The following PPP3CA variants were observed in gnomAD, a reference collection of about 807,000 sequenced individuals.
PPP3CA encodes the protein CAM-PRP catalytic subunit.
Under a neutral mutation model 66.5 loss-of-function variants are expected in PPP3CA, and 14 were observed. The observed-to-expected ratio is 0.21, with a 90% CI of 0.14 to 0.33. The LOEUF is 0.33. PPP3CA is among the 10% of genes least tolerant of loss of function. The pLI is 1.00. For missense variants in PPP3CA, 317 were observed against 639.5 expected, an observed-to-expected ratio of 0.50 and a Z score of 5.44; for synonymous variants, 232 against 226.2, an observed-to-expected ratio of 1.03 and a Z score of -0.23.
chr4:101,344,824 C>T (rs558049296), intron 1 of PPP3CA, among the ~76,000 whole-genome samples: 1 of 152,302 alleles, frequency 6.6e-6, no homozygotes, highest in African/African-American at 2.4e-5. Context: ...TATGTGTGCA[C>T]AAGTGTTTTT....
In PPP3CA at chr4:101,182,742, A is replaced by G. The variant is rs552834475; in HGVS notation, c.259+13174T>C. Among the ~76,000 whole-genome samples the G allele has an allele frequency of 7.9e-5, 12 of 152,266 alleles. 1 individual carries two copies. In the South Asian group the frequency reaches 2.5e-3, roughly 32 times the overall value. On this transcript the variant is annotated intron_variant, in intron 2 of 13. Transcript: ENST00000394854. Reference sequence around the variant, plus strand: ...TATGCCCATCCAAATCTCATAGTGAATTCCGACGTGTTGTGGGAGGGACCA... The same window carrying G: ...TATGCCCATCCAAATCTCATAGTGAGTTCCGACGTGTTGTGGGAGGGACCA...
Position 101,084,730 on chromosome 4 carries a change from C to A in PPP3CA, c.783-1467G>T, listed in dbSNP as rs559278209. On this transcript the variant is annotated intron_variant, in intron 6 of 13. Transcript: ENST00000394854. Reference sequence around the variant, plus strand: ...TTCTTTGGCAAAAAGGGATCTGAAACTGAAAACAGTCTCTGTTCATGTGCC... The same window carrying A: ...TTCTTTGGCAAAAAGGGATCTGAAAATGAAAACAGTCTCTGTTCATGTGCC... 4.6e-5 allele frequency among the ~76,000 whole-genome samples: 7 copies of A among 151,826 alleles called. No individual in the cohort carries two copies. The East Asian group carries it at 1.4e-3, about 29-fold the overall frequency.
At chr4:101,082,023 T>C (rs990731803) in intron 7 of PPP3CA, among the ~76,000 whole-genome samples, 2 of 152,238 alleles carry the variant, frequency 1.3e-5, no homozygotes, top group African/African-American at 4.8e-5. Context: ...TGATATTAAC[T>C]GATGCACTTA....
chr4:101,276,795 C>T (rs1228727240), intron 1 of PPP3CA, among the ~76,000 whole-genome samples: 1 of 152,116 alleles, frequency 6.6e-6, no homozygotes, highest in African/African-American at 2.4e-5. Context: ...CTTTACCTCC[C>T]ACACAGTTTC....
intron 1 of PPP3CA, among the ~76,000 whole-genome samples, chr4:101,337,979 G>T (rs1450577397): frequency 6.6e-6 from 1 of 152,152 alleles, no homozygotes; most frequent in Non-Finnish European, 1.5e-5. Context: ...ACCTATCGGG[G>T]TGTACAGTAT....
chr4:101,038,673 A>C (rs1040263569), intron 11 of PPP3CA, among the ~76,000 whole-genome samples: 4 of 151,638 alleles, frequency 2.6e-5, no homozygotes, highest in African/African-American at 9.7e-5. Context: ...CGGCCACTTT[A>C]TTTTCTTTTG....
At chr4:101,332,880 T>G (rs966494089) in intron 1 of PPP3CA, among the ~76,000 whole-genome samples, 7 of 152,166 alleles carry the variant, frequency 4.6e-5, no homozygotes, top group Non-Finnish European at 7.4e-5. Context: ...CTTTCCACAC[T>G]GTGATGCTGT....
At chr4:101,033,285 CACACACAA>C (rs1204866261) in intron 11 of PPP3CA, among the ~76,000 whole-genome samples, 112 of 73,154 alleles carry the variant, frequency 1.5e-3, no homozygotes, top group African/African-American at 3.0e-3. Context: ...GACACACACA[CACACACAA>C]ACACACACAC....
At chr4:101,312,981 T>A (rs771543890) in intron 1 of PPP3CA, among the ~76,000 whole-genome samples, 1 of 152,160 alleles carries the variant, frequency 6.6e-6, no homozygotes, top group Non-Finnish European at 1.5e-5. Context: ...AGAAGAGCAT[T>A]CTAATAAATG....
intron 1 of PPP3CA, among the ~76,000 whole-genome samples, chr4:101,294,289 A>G (rs915702611): frequency 6.6e-6 from 1 of 152,234 alleles, no homozygotes; most frequent in Non-Finnish European, 1.5e-5. Flanking sequence ...TGGGACTCCA[A>G]GCATTCATCT....
intron 1 of PPP3CA, among the ~76,000 whole-genome samples, chr4:101,294,469 G>C (rs1475321143): frequency 1.3e-5 from 2 of 152,020 alleles, no homozygotes; most frequent in East Asian, 3.9e-4. Context: ...GGGTATTTCA[G>C]TATTATAATT....
intron 11 of PPP3CA, among the ~76,000 whole-genome samples, chr4:101,037,958 ACT>A (rs1412132931): frequency 6.6e-6 from 1 of 152,092 alleles, no homozygotes. Context: ...TTTGAGTAAG[ACT>A]CTCATTAGTG....
chr4:101,147,413 G>A (rs907388260), intron 2 of PPP3CA, among the ~76,000 whole-genome samples: 6 of 152,240 alleles, frequency 3.9e-5, no homozygotes, highest in Admixed American at 1.3e-4. Context: ...TTGCTGTCAT[G>A]TATGATCAAA....
intron 1 of PPP3CA, among the ~76,000 whole-genome samples, chr4:101,293,184 G>A (rs1728085429): frequency 6.6e-6 from 1 of 152,192 alleles, no homozygotes; most frequent in Non-Finnish European, 1.5e-5. Context: ...AGGGAAAGCA[G>A]CATGGAAAAC....
At chr4:101,200,455 G>A (rs1724932796) in intron 1 of PPP3CA, among the ~76,000 whole-genome samples, 2 of 152,108 alleles carry the variant, frequency 1.3e-5, no homozygotes, top group African/African-American at 2.4e-5. Flanking sequence ...AACCTGGGAT[G>A]TATAAAAATA....
intron 8 of PPP3CA, among the ~76,000 whole-genome samples, chr4:101,064,198 T>C (rs1463303698): frequency 6.6e-6 from 1 of 151,980 alleles, no homozygotes; most frequent in Non-Finnish European, 1.5e-5. Flanking sequence ...TCTCTGTGAG[T>C]ACTTTCAATA....
chr4:101,055,611 A>G (rs143319546), intron 10 of PPP3CA, among the ~76,000 whole-genome samples: 81 of 152,266 alleles, frequency 5.3e-4, no homozygotes, highest in African/African-American at 1.7e-3. Flanking sequence ...AAATTCCTTT[A>G]TTTATAAGAC....
chr4:101,116,171 G>T (rs1721833335), intron 2 of PPP3CA, among the ~76,000 whole-genome samples: 1 of 151,828 alleles, frequency 6.6e-6, no homozygotes, highest in South Asian at 2.1e-4. Flanking sequence ...AGTTTTTCCA[G>T]TTCATACTAA....
chr4:101,171,216 C>T, intron 2 of PPP3CA: 1 of 456,006 alleles, frequency 2.2e-6, no homozygotes, highest in Non-Finnish European at 4.4e-6. Context: ...TCGGGGTCAT[C>T]TGTGGAGCTT....
Sources: gnomAD v4.1 joint callset for allele counts (sites outside exome capture counted in the v4.1 genomes callset) on GRCh38, gnomAD v4.1.1 for gene constraint, MANE v1.5 for transcripts, NCBI Gene and HGNC (gene_info 2026-07-23, HGNC 2026-07-21) for gene names.